Variants in NEK10 observed in about 807,000 individuals in gnomAD.
NEK10 encodes serine/threonine-protein kinase Nek10.
In NEK10, 122 loss-of-function variants were observed where a neutral mutation model predicts 159.8. The ratio of observed to expected loss-of-function variants is 0.76; its 90% CI spans 0.66 to 0.89. The LOEUF is 0.89. Ranked by LOEUF, NEK10 falls within the 40% of genes least tolerant of loss-of-function variation. NEK10 has a pLI of 0.00. For synonymous variants in NEK10, 466 were observed against 457.1 expected, an observed-to-expected ratio of 1.02 and a Z score of -0.25; for missense variants, 1,342 against 1,323.1, an observed-to-expected ratio of 1.01 and a Z score of -0.22.
At chr3:27,198,533 G>T (rs935093276) in intron 25 of NEK10, among the ~76,000 whole-genome samples, 1 of 152,090 alleles carries the variant, frequency 6.6e-6, no homozygotes, top group African/African-American at 2.4e-5. Context: ...ACAAGCAATG[G>T]GGGAAAGATT....
Position 27,111,143 on chromosome 3 carries a change from G to T in NEK10, c.*129C>A. 4.0e-6 allele frequency: 3 copies of T among 751,878 alleles called. No homozygotes were observed. Among genetic ancestry groups the T allele is most frequent in the African/African-American group, 1.8e-5 (1 of 55,612 alleles). The allele number at this position is 751,878 out of a possible 1,614,324, so 46.6% of individuals were successfully genotyped here. ...GGACCCCCAGAAAGAAGTCCTGCAG[G>T]CCCCATGGCATCTTGGTCTTTTCCA... On this transcript the variant is annotated 3_prime_UTR_variant, in exon 36 of 36. Coordinates refer to ENST00000691995, the MANE Select transcript of NEK10 (RefSeq NM_001394966.1).
At chr3:27,194,826 T>C (rs1208307116) in intron 25 of NEK10, 2 of 152,202 alleles carry the variant, frequency 1.3e-5, no homozygotes, top group East Asian at 3.8e-4. Flanking sequence ...TGTTCTTCCT[T>C]TTTAAAAAGT....
chr3:27,323,033 A>T (rs2045760589), intron 5 of NEK10, among the ~76,000 whole-genome samples: 1 of 152,112 alleles, frequency 6.6e-6, no homozygotes. Context: ...GGGATAAAGT[A>T]TTTTTTTAGA....
intron 23 of NEK10, among the ~76,000 whole-genome samples, chr3:27,233,064 G>T (rs760145791): frequency 3.3e-5 from 5 of 152,028 alleles, no homozygotes; most frequent in Non-Finnish European, 5.9e-5. Flanking sequence ...AAAACCTTCT[G>T]CACAGCAATA....
At chr3:27,164,726 T>C (rs1261572867) in intron 29 of NEK10, among the ~76,000 whole-genome samples, 1 of 152,198 alleles carries the variant, frequency 6.6e-6, no homozygotes, top group Non-Finnish European at 1.5e-5. Context: ...ATTCATGCCA[T>C]GTAGCTGCTA....
At chr3:27,154,797 T>G (rs561942088) in intron 30 of NEK10, among the ~76,000 whole-genome samples, 23 of 152,106 alleles carry the variant, frequency 1.5e-4, no homozygotes, top group South Asian at 1.0e-3. Context: ...GGGACATACC[T>G]CAATGTAATA....
In NEK10 at chr3:27,192,099, G is replaced by A. The variant is rs749857627; in HGVS notation, c.2435C>T (p.Thr812Ile). The A allele has an allele frequency of 2.2e-5, 35 of 1,614,070 alleles. No individual in the cohort carries two copies. The highest frequency in any genetic ancestry group is 1.4e-4 in the South Asian group (13 of 91,086). The change falls in exon 26 of 36, where the codon ACA becomes ATA. Residue 812 changes from threonine to isoleucine, a missense_variant. Thr to Ile is a moderately conservative substitution (Grantham distance 89). Coordinates refer to ENST00000691995, the MANE Select transcript of NEK10 (RefSeq NM_001394966.1). ...GTTGGCTTCCATAAAATACCTTTGTGTGCGTCTTCGTTCCCGTTCTAGCTT... is the reference window on the plus strand; with the variant it reads ...GTTGGCTTCCATAAAATACCTTTGTATGCGTCTTCGTTCCCGTTCTAGCTT... ...EKKLERERRR[T>I]QRYFMEANRN... is the part of the protein sequence containing the mutation.
intron 5 of NEK10, among the ~76,000 whole-genome samples, chr3:27,339,136 G>T (rs2047021993): frequency 6.6e-6 from 1 of 152,182 alleles, no homozygotes; most frequent in Admixed American, 6.5e-5. Flanking sequence ...GGGCAAAGTT[G>T]CCTGTTCACT....
chr3:27,368,500 A>G (rs1311091129), intron 1 of NEK10, among the ~76,000 whole-genome samples: 3 of 152,180 alleles, frequency 2.0e-5, no homozygotes, highest in Non-Finnish European at 2.9e-5. Context: ...TTCAACACCT[A>G]TTAAGAAGGG....
In NEK10 at chr3:27,167,770, C is replaced by A. The variant is rs186992557; in HGVS notation, c.2831+4049G>T. Among the ~76,000 whole-genome samples, 7 of 152,270 alleles carry A rather than the reference C, an allele frequency of 4.6e-5. No individual in the cohort carries two copies. In the East Asian group the frequency reaches 9.6e-4, roughly 21 times the overall value. On this transcript the variant is annotated intron_variant, in intron 29 of 35. Coordinates refer to ENST00000691995, the MANE Select transcript of NEK10 (RefSeq NM_001394966.1). ...ATTCCTCTCTTGATCTTGCCATTAA[C>A]TATATTCCTTAAAAAAAGTTTTATC...
chr3:27,265,384 T>C (rs1366840180), intron 22 of NEK10, among the ~76,000 whole-genome samples: 2 of 152,252 alleles, frequency 1.3e-5, no homozygotes, highest in African/African-American at 2.4e-5. Context: ...TTCCAGTTTT[T>C]TCTCTCACCA....
chr3:27,160,547 T>G (rs1232246017), intron 30 of NEK10, among the ~76,000 whole-genome samples: 3 of 152,200 alleles, frequency 2.0e-5, no homozygotes, highest in Admixed American at 1.3e-4. Context: ...TCCCTGTGAA[T>G]TAATGTGTTG....
chr3:27,215,149 T>G lies in NEK10; in HGVS notation c.2091-12592A>C, dbSNP rs116629023. The G allele has an allele frequency of 6.7e-3, 2,281 of 339,536 alleles. 11 individuals carry two copies. Among genetic ancestry groups the G allele is most frequent in the Non-Finnish European group, 9.8e-3 (1,766 of 180,848 alleles). The allele number at this position is 339,536 out of a possible 1,614,324, so 21.0% of individuals were successfully genotyped here. ...TCCATAGTTTCGGCTCTTAACACCA[T>G]CAAAATTAGTCTTAATCTCTGAACA... On this transcript the variant is annotated intron_variant, in intron 23 of 35. Transcript: ENST00000691995.
At position 27,224,372 on chromosome 3, in the gene NEK10, A is replaced by G. The variant is rs148286983; in HGVS notation, c.2091-21815T>C. On this transcript the variant is annotated intron_variant, in intron 23 of 35. Transcript: ENST00000691995. ...TACCCAGGCCCCTGCCAACTGCTCT[A>G]CAAGAGGTGCTGGCTGCATACTCCC... Among the ~76,000 whole-genome samples, 10 of 152,354 alleles carry G rather than the reference A, an allele frequency of 6.6e-5. No individual in the cohort carries two copies. The East Asian group carries it at 1.9e-3, about 29-fold the overall frequency.
At chr3:27,332,896 T>C (rs950019134) in intron 5 of NEK10, among the ~76,000 whole-genome samples, 1 of 152,162 alleles carries the variant, frequency 6.6e-6, no homozygotes. Flanking sequence ...GAAAAAAAGA[T>C]TGGAAGACCA....
intron 22 of NEK10, among the ~76,000 whole-genome samples, chr3:27,275,056 A>G (rs1380734732): frequency 6.6e-6 from 1 of 152,126 alleles, no homozygotes; most frequent in Non-Finnish European, 1.5e-5. Flanking sequence ...TATAAACCTC[A>G]ATTATGAGGT....
At chr3:27,123,409 A>G (rs1941556672) in intron 32 of NEK10, among the ~76,000 whole-genome samples, 1 of 152,144 alleles carries the variant, frequency 6.6e-6, no homozygotes, top group Admixed American at 6.6e-5. Context: ...CTTGGAGGTA[A>G]AGGTTGGGCA....
chr3:27,152,669 T>C (rs961560985), intron 30 of NEK10, among the ~76,000 whole-genome samples: 4 of 150,360 alleles, frequency 2.7e-5, no homozygotes, highest in African/African-American at 9.7e-5. Flanking sequence ...CACATTTCAA[T>C]ACTAACATTG....
At chr3:27,210,543 G>A (rs1559617853) in intron 23 of NEK10, among the ~76,000 whole-genome samples, 1 of 152,108 alleles carries the variant, frequency 6.6e-6, no homozygotes. Context: ...ACCTTCACTA[G>A]CCAGGCCTTT....
Sources: allele counts gnomAD v4.1 joint callset (sites outside exome capture counted in the v4.1 genomes callset), GRCh38; gene constraint gnomAD v4.1.1; transcripts MANE v1.5; gene names NCBI Gene and HGNC (gene_info 2026-07-23, HGNC 2026-07-21).